Variants in RTL9 observed in about 807,000 individuals in gnomAD.
The protein encoded by RTL9 is retrotransposon Gag-like protein 9.
A neutral mutation model predicts 44.7 loss-of-function variants in RTL9; 19 were observed. The ratio of observed to expected loss-of-function variants is 0.42; its 90% CI spans 0.30 to 0.62. The LOEUF is 0.62. Ranked by LOEUF, RTL9 falls within the 20% of genes least tolerant of loss-of-function variation. The pLI is 0.16. For synonymous variants in RTL9, 407 were observed against 398.9 expected (o/e 1.02, Z -0.24); for missense variants, 1,105 against 1,080.6 (o/e 1.02, Z -0.32).
rs188368038 is a variant in RTL9 at position 110,366,450 on chromosome X, A to C, written c.-168+7534A>C. Among the ~76,000 whole-genome samples the C allele has an allele frequency of 2.7e-3, 303 of 111,818 alleles. 1 individual carries two copies. Among genetic ancestry groups the C allele is most frequent in the African/African-American group, 9.1e-3 (280 of 30,755 alleles). On this transcript the variant is annotated intron_variant, in intron 1 of 2. Transcript: ENST00000520821. ...GGGACTAGTGGTTCTGAAAAATGCA[A>C]TTATGAGAACACTACTCCAAAATGA...
intron 1 of RTL9, among the ~76,000 whole-genome samples, chrX:110,411,956 T>C (rs1049162602): frequency 8.9e-6 from 1 of 112,657 alleles, no homozygotes; most frequent in Non-Finnish European, 1.9e-5. Context: ...AACGAGCTTC[T>C]GTAGACCAAT....
chrX:110,371,192 C>A (rs1281277009), intron 1 of RTL9, among the ~76,000 whole-genome samples: 1 of 110,731 alleles, frequency 9.0e-6, no homozygotes, highest in East Asian at 2.8e-4. Flanking sequence ...CCAGTTTTCA[C>A]CCTTCTTCAT....
chrX:110,429,552 G>A lies in RTL9; in HGVS notation c.-168+10417G>A, dbSNP rs544744208. On this transcript the variant is annotated intron_variant, in intron 1 of 3. Coordinates refer to the RTL9 transcript ENST00000465301. ...CTGGAGTACAGTGGCATGCAATCTC[G>A]GCTCACTGCAACCTCCGCCTCCTGG... Among the ~76,000 whole-genome samples, 9 of 105,596 alleles carry A rather than the reference G, an allele frequency of 8.5e-5. No homozygotes were observed. The East Asian group carries it at 2.4e-3, about 28-fold the overall frequency. 91.7% of individuals were successfully genotyped at this position (105,596 alleles called of 115,157 possible).
chrX:110,454,070 C>T (rs1345088391), exon 1 of RTL9: 2 of 1,210,449 alleles, frequency 1.7e-6, no homozygotes, highest in African/African-American at 3.5e-5. Context: ...TCTGCTACCT[C>T]TTAGAAGAGC....
At chrX:110,427,482 G>A (rs1369960985) in intron 1 of RTL9, among the ~76,000 whole-genome samples, 1 of 111,895 alleles carries the variant, frequency 8.9e-6, no homozygotes, top group East Asian at 2.8e-4. Flanking sequence ...AGGTGATTCT[G>A]ATGAGCACTC....
At chrX:110,449,252 A>C (rs1300613889), upstream of RTL9, among the ~76,000 whole-genome samples, 4 of 112,053 alleles carry the variant, frequency 3.6e-5, no homozygotes, top group East Asian at 1.1e-3. Flanking sequence ...GGAAGAGTAC[A>C]ACCGAAATCT....
chrX:110,385,775 A>G (rs1265521063), intron 1 of RTL9, among the ~76,000 whole-genome samples: 2 of 111,591 alleles, frequency 1.8e-5, no homozygotes, highest in Non-Finnish European at 3.8e-5. Flanking sequence ...TCACCCAGAC[A>G]GTGAGCATCC....
intron 1 of RTL9, among the ~76,000 whole-genome samples, chrX:110,391,946 C>T (rs756000449): frequency 1.8e-5 from 2 of 112,333 alleles, no homozygotes; most frequent in Admixed American, 1.9e-4. Context: ...CTCTGATGAA[C>T]AATTACCAAT....
exon 2 of RTL9, chrX:110,455,357 G>A (rs753520604): frequency 3.4e-5 from 41 of 1,196,339 alleles, no homozygotes; most frequent in Non-Finnish European, 4.4e-5. Context: ...TATCTGACTC[G>A]ACCGCTAACT....
chrX:110,402,627 A>G lies in RTL9; in HGVS notation c.-167-42526A>G, dbSNP rs983304302. ...TTGGAATCACCAAGGTTGGGAAGCCAGGCCTCAGAGGGAGTGGCTGGAGGC... is the reference window on the plus strand; with the variant it reads ...TTGGAATCACCAAGGTTGGGAAGCCGGGCCTCAGAGGGAGTGGCTGGAGGC... On this transcript the variant is annotated intron_variant, in intron 1 of 2. Coordinates refer to the RTL9 transcript ENST00000520821. Among the ~76,000 whole-genome samples, 3 of 112,728 alleles carry G rather than the reference A, an allele frequency of 2.7e-5. No homozygotes were observed. In the South Asian group the frequency reaches 1.1e-3, roughly 41 times the overall value.
At chrX:110,370,500 C>T (rs780945525) in intron 1 of RTL9, among the ~76,000 whole-genome samples, 5 of 112,635 alleles carry the variant, frequency 4.4e-5, no homozygotes, top group African/African-American at 1.6e-4. Context: ...TGAGCCACTG[C>T]GCCCGGCCTA....
At chrX:110,455,402 A>G (rs1349491186) in exon 2 of RTL9, 2 of 1,113,182 alleles carry the variant, frequency 1.8e-6, no homozygotes, top group Middle Eastern at 2.5e-4. Flanking sequence ...CCATTAAACT[A>G]CATTATAAAC....
At chrX:110,429,190 G>A (rs2068776735) in intron 1 of RTL9, among the ~76,000 whole-genome samples, 1 of 111,277 alleles carries the variant, frequency 9.0e-6, no homozygotes. Context: ...GTGTAGTCTT[G>A]CCTGTCTACT....
chrX:110,365,117 T>A (rs1340359905), intron 1 of RTL9, among the ~76,000 whole-genome samples: 1 of 111,936 alleles, frequency 8.9e-6, no homozygotes, highest in Non-Finnish European at 1.9e-5. Flanking sequence ...TTCCCAGGGA[T>A]GTCTTTCTCA....
chrX:110,452,178 G>A lies in RTL9; in HGVS notation c.1561G>A (p.Glu521Lys), dbSNP rs780870720. The change falls in exon 1 of 2, where the codon GAA (glutamate) becomes AAA (lysine). Residue 521 changes from glutamate (E) to lysine (K), a missense_variant. Glu to Lys is a moderately conservative substitution (Grantham distance 56, BLOSUM62 1). Coordinates refer to ENST00000540313, the Ensembl canonical transcript of RTL9. ...CCAACCAGTTACGGCAACAGCCTCT[G>A]AAACAATGTCCATGCCACAATTGAC... The A allele has an allele frequency of 9.9e-6, 12 of 1,210,524 alleles. No individual in the cohort carries two copies. The East Asian group carries it at 3.6e-4, about 36-fold the overall frequency.
chrX:110,391,588 C>T (rs2068493935), intron 1 of RTL9, among the ~76,000 whole-genome samples: 1 of 111,980 alleles, frequency 8.9e-6, no homozygotes, highest in Non-Finnish European at 1.9e-5. Flanking sequence ...GTGGCAGAAC[C>T]GTTTTAGGAA....
At chrX:110,398,598 C>T (rs1297210192) in intron 1 of RTL9, among the ~76,000 whole-genome samples, 1 of 111,667 alleles carries the variant, frequency 9.0e-6, no homozygotes, top group Non-Finnish European at 1.9e-5. Context: ...GTGACTTGCC[C>T]AAGGTCATAG....
rs1321381919 is a variant in RTL9, at chrX:110,378,337, T to C, written c.-168+19421T>C. 3.6e-5 allele frequency among the ~76,000 whole-genome samples: 4 copies of C among 111,429 alleles called. No individual in the cohort carries two copies. In the East Asian group the frequency reaches 1.1e-3, roughly 31 times the overall value. ...GGCAGTACCCTAGTTCAGTTCTTCA[T>C]CTACTCTCTCCTTGACTGTTGCGAT... On this transcript the variant is annotated intron_variant, in intron 1 of 2. Coordinates refer to the RTL9 transcript ENST00000520821.
chrX:110,438,617 G>A (rs759413541), intron 1 of RTL9, among the ~76,000 whole-genome samples: 15 of 111,467 alleles, frequency 1.3e-4, no homozygotes. Context: ...CCCGAGACTA[G>A]TTTTGTCCTA....
Sources: allele counts gnomAD v4.1 joint callset (sites outside exome capture counted in the v4.1 genomes callset), GRCh38; gene constraint gnomAD v4.1.1; transcripts MANE v1.5; gene names NCBI Gene and HGNC (gene_info 2026-07-23, HGNC 2026-07-21).